The following LCP2 variants were observed in gnomAD, a reference collection of about 807,000 sequenced individuals.
The protein encoded by LCP2 is lymphocyte cytosolic protein 2.
A neutral mutation model predicts 74.5 loss-of-function variants in LCP2; 29 were observed. That is an observed-to-expected ratio of 0.39 (90% confidence interval 0.29 to 0.53). The LOEUF is 0.53. Among genes scored for constraint, LCP2 ranks in the 20% least tolerant of loss-of-function variants. The pLI is 0.72. For missense variants in LCP2, 604 were observed against 634.6 expected (o/e 0.95, Z 0.52); for synonymous variants, 228 against 229.5 (o/e 0.99, Z 0.06).
At chr5:170,282,940 C>A (rs1320447703) in intron 3 of LCP2, among the ~76,000 whole-genome samples, 1 of 152,186 alleles carries the variant, frequency 6.6e-6, no homozygotes, top group Non-Finnish European at 1.5e-5. Flanking sequence ...CTCTCTAACC[C>A]ATTCCTTCCT....
chr5:170,284,105 G>T (rs1762145646), intron 3 of LCP2, among the ~76,000 whole-genome samples: 1 of 152,214 alleles, frequency 6.6e-6, no homozygotes. Flanking sequence ...TCTAACAGCA[G>T]TTCATTAAAT....
In LCP2 at chr5:170,281,429, G is replaced by A. The variant is rs190414794; in HGVS notation, c.189-5569C>T. 4.5e-3 allele frequency among the ~76,000 whole-genome samples: 682 copies of A among 152,210 alleles called. 8 individuals carry two copies. The highest frequency in any genetic ancestry group is 0.015 in the African/African-American group (624 of 41,538). On this transcript the variant is annotated intron_variant, in intron 3 of 20. Coordinates refer to ENST00000046794, the MANE Select transcript of LCP2 (RefSeq NM_005565.5). ...CGAGTAGCTGGGACTACAGGTGCCT[G>A]CCACCACACTCGGCTAATTGTTTTG... is the stretch of plus-strand genomic sequence containing the variant.
chr5:170,279,951 G>T (rs1762072285), intron 3 of LCP2, among the ~76,000 whole-genome samples: 1 of 152,054 alleles, frequency 6.6e-6, no homozygotes, highest in Non-Finnish European at 1.5e-5. Flanking sequence ...TGCCAGGCAG[G>T]TGGAAAAGGA....
chr5:170,258,822 G>A, intron 15 of LCP2, 44 bp downstream of exon 15: 1 of 1,473,874 alleles, frequency 6.8e-7, no homozygotes, highest in South Asian at 1.2e-5. Flanking sequence ...GCAGGAAAAT[G>A]AAAGAATGAG....
intron 20 of LCP2, among the ~76,000 whole-genome samples, chr5:170,250,393 G>A (rs530773006): frequency 6.6e-6 from 1 of 152,288 alleles, no homozygotes; most frequent in Non-Finnish European, 1.5e-5. Flanking sequence ...TTAAAATGCA[G>A]CCTACGTTAA....
chr5:170,283,208 C>T (rs1762132118), intron 3 of LCP2, among the ~76,000 whole-genome samples: 1 of 152,176 alleles, frequency 6.6e-6, no homozygotes, highest in Non-Finnish European at 1.5e-5. Flanking sequence ...GAGGGGATTA[C>T]ATCGCAGGCC....
chr5:170,297,199 G>C (rs567532937), intron 1 of LCP2, among the ~76,000 whole-genome samples: 20 of 152,300 alleles, frequency 1.3e-4, no homozygotes, highest in Non-Finnish European at 2.6e-4. Context: ...TCCCTGAGCT[G>C]ATTTTGCAGC....
At position 170,287,994 on chromosome 5, in the gene LCP2, T is replaced by A. The variant is rs778420130; in HGVS notation, c.164A>T (p.Gln55Leu). The A allele has an allele frequency of 3.7e-6, 6 of 1,614,000 alleles. No homozygotes were observed. The highest frequency in any genetic ancestry group is 5.1e-6 in the Non-Finnish European group (6 of 1,179,890). The part of the protein sequence containing the change: ...RFLNLTENDI[Q>L]KFPKLRVPIL... ...CGGCACCCGGAGCTTGGGGAACTTC[T>A]GGATGTCATTTTCTGTCAGGTTCTG... Residue 55 changes from glutamine to leucine, a missense_variant, in exon 3 of 21, where the codon CAG becomes CTG. Transcript: ENST00000046794.
At chr5:170,281,368 C>T (rs1762097694) in intron 3 of LCP2, among the ~76,000 whole-genome samples, 1 of 152,140 alleles carries the variant, frequency 6.6e-6, no homozygotes, top group South Asian at 2.1e-4. Context: ...CAAGTTCTGC[C>T]TCCCGGGTTC....
intron 1 of LCP2, among the ~76,000 whole-genome samples, chr5:170,294,514 T>C (rs539056910): frequency 6.6e-5 from 10 of 152,230 alleles, no homozygotes; most frequent in Non-Finnish European, 1.3e-4. Context: ...ATGTTTCTCC[T>C]TGAGGATCCT....
rs56325561 is a variant in LCP2, at chr5:170,268,436, G to T, written c.570C>A (p.Pro190=). The part of the protein sequence containing the change: ...GKTPQQPPVP[P]QRPMAALPPP... ...GCGGGAGGGCGGCCATCGGTCTCTG[G>T]GGGGGCACAGGAGGCTGCTGGGGGG... Residue 190 remains proline (P), a synonymous_variant, in exon 8 of 21, where the codon CCC becomes CCA. Coordinates refer to ENST00000046794, the MANE Select transcript of LCP2 (RefSeq NM_005565.5). 2.7e-5 allele frequency: 13 copies of T among 479,042 alleles called. No individual in the cohort carries two copies. Among genetic ancestry groups the T allele is most frequent in the African/African-American group, 1.9e-4 (9 of 48,406 alleles). The allele number at this position is 479,042 out of a possible 1,614,324, so 29.7% of individuals were successfully genotyped here. A position where few individuals can be genotyped will look rare whatever the true frequency, so the allele number is the denominator to read the frequency against.
At position 170,288,027 on chromosome 5, in the gene LCP2, GAC is replaced by G; in HGVS notation, c.142-13_142-12del. 3 of 1,613,900 alleles carry G rather than the reference GAC, an allele frequency of 1.9e-6. No homozygotes were observed. In the South Asian group the frequency reaches 3.3e-5, roughly 18 times the overall value. On this transcript the variant is annotated splice_polypyrimidine_tract_variant and intron_variant, in intron 2 of 20. Transcript: ENST00000046794. The stretch of plus-strand genomic sequence containing the variant: ...ATTTTCTGTCAGGTTCTGAAATGAA[GAC>G]ACATATGGCAGGCAGGTTACAACCC...
chr5:170,276,415 C>T (rs537401230), intron 3 of LCP2, among the ~76,000 whole-genome samples: 60 of 152,276 alleles, frequency 3.9e-4, no homozygotes, highest in African/African-American at 1.2e-3. Flanking sequence ...TCCCAGACTC[C>T]CACTTGGTGA....
At chr5:170,264,919 G>A (rs1327497372) in intron 10 of LCP2, among the ~76,000 whole-genome samples, 1 of 151,814 alleles carries the variant, frequency 6.6e-6, no homozygotes, top group East Asian at 1.9e-4. Flanking sequence ...TACTTTAGAG[G>A]GGCACCCAGG....
Position 170,273,920 on chromosome 5 carries a change from C to CGGGGGG in LCP2, c.324+375_324+380dup, listed in dbSNP as rs3833445. 372 of 85,670 alleles carry CGGGGGG rather than the reference C, an allele frequency of 4.3e-3. 5 individuals carry two copies. Among genetic ancestry groups the CGGGGGG allele is most frequent in the African/African-American group, 0.012 (350 of 29,980 alleles). The allele number at this position is 85,670 out of a possible 1,614,324, so 5.3% of individuals were successfully genotyped here. On this transcript the variant is annotated intron_variant, in intron 6 of 20. Coordinates refer to ENST00000046794, the MANE Select transcript of LCP2 (RefSeq NM_005565.5). ...TTCTAGGAGTGTCCATTTTTGGAGA[C>CGGGGGG]GGGGGGGTAGTGGGTGGGGGTTGGT...
chr5:170,279,286 C>G (rs78011140), intron 3 of LCP2, among the ~76,000 whole-genome samples: 1 of 152,136 alleles, frequency 6.6e-6, no homozygotes, highest in Non-Finnish European at 1.5e-5. Context: ...CAGCTGCATC[C>G]CTAACTTACA....
chr5:170,252,682 G>A, intron 18 of LCP2, 171 bp from the exon 19 acceptor site: 1 of 557,478 alleles, frequency 1.8e-6, no homozygotes, highest in Non-Finnish European at 3.2e-6. Context: ...CTAAATAGAA[G>A]ATATTTTGTG....
At chr5:170,279,365 C>G (rs1387715692) in intron 3 of LCP2, among the ~76,000 whole-genome samples, 1 of 152,204 alleles carries the variant, frequency 6.6e-6, no homozygotes, top group African/African-American at 2.4e-5. Flanking sequence ...GGTACAGGGC[C>G]TGCAGGCACA....
In LCP2 at chr5:170,247,048, A is replaced by G. The variant is rs896629872; in HGVS notation, c.*1649T>C. Reference sequence around the variant, plus strand: ...AAATCTATCAGGTCCTTCATTTTAGATATTTTTGAATTGTAAAGATAGAAT... The same window carrying G: ...AAATCTATCAGGTCCTTCATTTTAGGTATTTTTGAATTGTAAAGATAGAAT... On this transcript the variant is annotated 3_prime_UTR_variant, in exon 21 of 21. Coordinates refer to ENST00000046794, the MANE Select transcript of LCP2 (RefSeq NM_005565.5). 3.3e-5 allele frequency: 5 copies of G among 152,218 alleles called. No homozygotes were observed. Among genetic ancestry groups the G allele is most frequent in the African/African-American group, 7.2e-5 (3 of 41,462 alleles). The allele number at this position is 152,218 out of a possible 1,614,324, so 9.4% of individuals were successfully genotyped here. A position where few individuals can be genotyped will look rare whatever the true frequency, so the allele number is the denominator to read the frequency against.
Sources: gnomAD v4.1 joint callset for allele counts (sites outside exome capture counted in the v4.1 genomes callset) on GRCh38, gnomAD v4.1.1 for gene constraint, MANE v1.5 for transcripts, NCBI Gene and HGNC (gene_info 2026-07-23, HGNC 2026-07-21) for gene names.